Variants in KCNG2 observed in about 807,000 individuals in gnomAD.
The protein encoded by KCNG2 is potassium voltage-gated channel modifier subfamily G member 2.
KCNG2 carries 7 observed loss-of-function variants against 12.3 expected under a neutral mutation model. The observed-to-expected ratio is 0.57, with a 90% CI of 0.32 to 1.07. The LOEUF is 1.07. Among genes scored for constraint, KCNG2 ranks in the 50% least tolerant of loss-of-function variants. The pLI, the probability that KCNG2 is intolerant of heterozygous loss-of-function variation, is 0.04. For synonymous variants in KCNG2, 414 were observed against 351.4 expected (o/e 1.18, Z -1.99); for missense variants, 703 against 726.0 (o/e 0.97, Z 0.36).
intron 3 of KCNG2, among the ~76,000 whole-genome samples, chr18:79,874,878 C>G (rs1410171382): frequency 6.6e-6 from 1 of 152,198 alleles, no homozygotes. Flanking sequence ...CTTCCCTCTT[C>G]CCCATCGCCA....
chr18:79,863,748 C>T lies in KCNG2; in HGVS notation c.81C>T (p.Arg27=). Residue 27 remains arginine (R), a synonymous_variant, in exon 3 of 4, where the codon CGC becomes CGT. Coordinates refer to ENST00000316249, the MANE Select transcript of KCNG2 (RefSeq NM_012283.2). ...RHVIINVGGC[R]VRLAWAALAR... ...TCATCATCAACGTGGGCGGCTGCCG[C>T]GTGCGCCTGGCATGGGCCGCGCTGG... The T allele has an allele frequency of 8.3e-7, 1 of 1,207,038 alleles. No homozygotes were observed. The highest frequency in any genetic ancestry group is 3.2e-4 in the Middle Eastern group (1 of 3,172). 74.8% of individuals were successfully genotyped at this position (1,207,038 alleles called of 1,614,324 possible).
chr18:79,853,270 G>A (rs1053091545), intron 1 of KCNG2, among the ~76,000 whole-genome samples: 4 of 152,226 alleles, frequency 2.6e-5, no homozygotes, highest in African/African-American at 9.6e-5. Flanking sequence ...AAAGAACGCA[G>A]CAAAGTGAGG....
chr18:79,827,287 C>T (rs1978286894), intron 1 of KCNG2, among the ~76,000 whole-genome samples: 2 of 152,228 alleles, frequency 1.3e-5, no homozygotes, highest in Admixed American at 6.5e-5. Context: ...GGTGGGATCC[C>T]TGCAGGAAAC....
intron 3 of KCNG2, among the ~76,000 whole-genome samples, chr18:79,865,077 TTGTGCTGAGGTCTG>T (rs1979418656): frequency 1.0e-5 from 1 of 96,216 alleles, no homozygotes; most frequent in East Asian, 2.9e-4. Context: ...TGAGAGGACC[TTGTGCTGAGGTCTG>T]TGTGCTGAGA....
At position 79,800,057 on chromosome 18, in the gene KCNG2, A is replaced by G. The variant is rs887380655; in HGVS notation, c.-115+2043A>G. On this transcript the variant is annotated intron_variant, in intron 1 of 3. Coordinates refer to ENST00000316249, the MANE Select transcript of KCNG2 (RefSeq NM_012283.2). The surrounding 1 kb of genome is among the most constrained non-coding windows in gnomAD (Gnocchi z 4.0). ...TGGTTGGGGGCTGCTTTTCTGGAAG[A>G]AGTGGGTCTCAGGCAGGCACCTGGA... Among the ~76,000 whole-genome samples the G allele has an allele frequency of 1.3e-5, 2 of 152,142 alleles. No homozygotes were observed. The highest frequency in any genetic ancestry group is 2.9e-5 in the Non-Finnish European group (2 of 68,032).
At chr18:79,844,038 G>C (rs1316317999) in intron 1 of KCNG2, among the ~76,000 whole-genome samples, 2 of 152,168 alleles carry the variant, frequency 1.3e-5, no homozygotes, top group Non-Finnish European at 2.9e-5. Context: ...GACAGAAAAA[G>C]ATATTCCATG....
intron 1 of KCNG2, among the ~76,000 whole-genome samples, chr18:79,828,673 CTATG>C (rs1280759485): frequency 1.3e-5 from 2 of 149,828 alleles, no homozygotes; most frequent in Non-Finnish European, 3.0e-5. Context: ...GTGTGCATGT[CTATG>C]TGTGCGTGTG....
intron 3 of KCNG2, among the ~76,000 whole-genome samples, chr18:79,867,192 G>C (rs1284471463): frequency 1.3e-5 from 2 of 151,686 alleles, no homozygotes; most frequent in African/African-American, 4.8e-5. Flanking sequence ...GGTGCTGAGA[G>C]ATCTGGGTGC....
chr18:79,883,275 G>GA (rs1209497481), intron 3 of KCNG2, among the ~76,000 whole-genome samples: 1 of 151,918 alleles, frequency 6.6e-6, no homozygotes, highest in Non-Finnish European at 1.5e-5. Flanking sequence ...GTGAGGCAGG[G>GA]AACGGCGGGG....
intron 1 of KCNG2, among the ~76,000 whole-genome samples, chr18:79,850,233 C>T (rs527952160): frequency 9.2e-5 from 14 of 152,210 alleles, no homozygotes; most frequent in African/African-American, 3.4e-4. Context: ...ACAGCCGAAG[C>T]CCCTCCCTCT....
intron 3 of KCNG2, among the ~76,000 whole-genome samples, chr18:79,866,314 C>A (rs1979541652): frequency 9.2e-6 from 1 of 108,978 alleles, no homozygotes; most frequent in African/African-American, 3.8e-5. Flanking sequence ...AGTGTGGGTG[C>A]TGAGGTCTGG....
At chr18:79,873,709 A>G (rs1979955275) in intron 3 of KCNG2, among the ~76,000 whole-genome samples, 1 of 152,170 alleles carries the variant, frequency 6.6e-6, no homozygotes, top group African/African-American at 2.4e-5. Flanking sequence ...TTTGGAAAGC[A>G]GGAGTCTGGG....
At chr18:79,849,370 G>A (rs1439029576) in intron 1 of KCNG2, among the ~76,000 whole-genome samples, 1 of 152,240 alleles carries the variant, frequency 6.6e-6, no homozygotes, top group Non-Finnish European at 1.5e-5. Flanking sequence ...CTTCTGGGGG[G>A]CACAGGCGCC....
At chr18:79,836,811 C>T (rs1264608062) in intron 1 of KCNG2, among the ~76,000 whole-genome samples, 7 of 152,250 alleles carry the variant, frequency 4.6e-5, no homozygotes, top group Admixed American at 1.3e-4. Context: ...AATCCAATCA[C>T]CTCCCACCAG....
chr18:79,868,504 A>G (rs2123084402), intron 3 of KCNG2, among the ~76,000 whole-genome samples: 1 of 152,318 alleles, frequency 6.6e-6, no homozygotes, highest in East Asian at 1.9e-4. Context: ...GAAGCGATTC[A>G]GTTGTGTGGG....
chr18:79,839,573 A>C (rs1374048407), intron 1 of KCNG2, among the ~76,000 whole-genome samples: 2 of 152,304 alleles, frequency 1.3e-5, no homozygotes, highest in East Asian at 3.9e-4. Flanking sequence ...TGAATTTGTA[A>C]ATTAAAAATT....
chr18:79,893,371 G>T (rs776474782), intron 3 of KCNG2, among the ~76,000 whole-genome samples: 1 of 120,514 alleles, frequency 8.3e-6, no homozygotes, highest in Non-Finnish European at 1.8e-5. Context: ...CGTTGGGTCT[G>T]TGTCTGCTTT....
intron 3 of KCNG2, among the ~76,000 whole-genome samples, chr18:79,880,108 A>T (rs1980236330): frequency 6.6e-6 from 1 of 152,210 alleles, no homozygotes; most frequent in Admixed American, 6.5e-5. Flanking sequence ...AAAAGAGGTT[A>T]CAGTTATGGT....
chr18:79,883,191 G>A (rs867126146), intron 3 of KCNG2, among the ~76,000 whole-genome samples: 70 of 152,280 alleles, frequency 4.6e-4, no homozygotes, highest in African/African-American at 1.6e-3. Flanking sequence ...AGGAAGCCAC[G>A]CTGCGATCCC....
Sources: allele counts gnomAD v4.1 joint callset (sites outside exome capture counted in the v4.1 genomes callset), GRCh38; gene constraint gnomAD v4.1.1; non-coding constraint Gnocchi (gnomAD v3.1); transcripts MANE v1.5; gene names NCBI Gene and HGNC (gene_info 2026-07-23, HGNC 2026-07-21).